Variants in AGBL1 observed in about 807,000 individuals in gnomAD.
AGBL1 encodes the protein cytosolic carboxypeptidase 4.
Under a neutral mutation model 118.9 loss-of-function variants are expected in AGBL1, and 130 were observed. The observed-to-expected ratio is 1.09, with a 90% CI of 0.95 to 1.26. AGBL1 has a LOEUF of 1.26. Among genes scored for constraint, AGBL1 ranks in the 50% most tolerant of loss-of-function variants. The pLI is 0.00. For missense variants in AGBL1, 1,584 were observed against 1,298.1 expected, an observed-to-expected ratio of 1.22 and a Z score of -3.38; for synonymous variants, 555 against 478.9, an observed-to-expected ratio of 1.16 and a Z score of -2.08.
chr15:86,268,598 A>T (rs1344575120), intron 13 of AGBL1, among the ~76,000 whole-genome samples: 1 of 152,172 alleles, frequency 6.6e-6, no homozygotes, highest in East Asian at 1.9e-4. Context: ...AAACCTACTT[A>T]TGGGTAAGGA....
At chr15:86,839,461 A>C (rs973729277) in intron 22 of AGBL1, among the ~76,000 whole-genome samples, 1 of 152,316 alleles carries the variant, frequency 6.6e-6, no homozygotes, top group Admixed American at 6.5e-5. Flanking sequence ...AGTTTGATTC[A>C]CAAAGCTCTG....
chr15:86,368,041 A>G (rs1700921529), intron 17 of AGBL1, among the ~76,000 whole-genome samples: 1 of 152,140 alleles, frequency 6.6e-6, no homozygotes. Flanking sequence ...CCCTCCCACA[A>G]AGAAAAGTAC....
At chr15:86,732,559 G>A (rs2077539442) in intron 22 of AGBL1, among the ~76,000 whole-genome samples, 1 of 152,198 alleles carries the variant, frequency 6.6e-6, no homozygotes, top group Admixed American at 6.5e-5. Context: ...GAAATGTGGA[G>A]ATTAAGAAAG....
chr15:86,555,971 G>A (rs1038720214), intron 21 of AGBL1, among the ~76,000 whole-genome samples: 1 of 152,096 alleles, frequency 6.6e-6, no homozygotes, highest in Non-Finnish European at 1.5e-5. Context: ...GTCTCTCTCT[G>A]TACATGTGTC....
chr15:86,687,503 C>G (rs915929236), intron 22 of AGBL1, among the ~76,000 whole-genome samples: 1 of 152,058 alleles, frequency 6.6e-6, no homozygotes, highest in Non-Finnish European at 1.5e-5. Flanking sequence ...TAACCTGAAA[C>G]CTTGGAGAAT....
Position 86,968,921 on chromosome 15 carries a change from G to A in AGBL1, c.3222-19066G>A, listed in dbSNP as rs554555243. On this transcript the variant is annotated intron_variant, in intron 23 of 24. Transcript: ENST00000441037. ...TCCCACAGGCCTTCTTTATAAAGGC[G>A]CTAATTCTATTCATGAGGCAGATCC... Among the ~76,000 whole-genome samples, 15 of 151,850 alleles carry A rather than the reference G, an allele frequency of 9.9e-5. No individual in the cohort carries two copies. The East Asian group carries it at 1.8e-3, about 18-fold the overall frequency.
At chr15:86,745,896 C>T (rs909376715) in intron 22 of AGBL1, among the ~76,000 whole-genome samples, 1 of 152,110 alleles carries the variant, frequency 6.6e-6, no homozygotes, top group Non-Finnish European at 1.5e-5. Context: ...CAGAAACTCA[C>T]AGCCCAACAC....
chr15:86,500,726 T>A (rs2082908443), intron 18 of AGBL1, among the ~76,000 whole-genome samples: 1 of 151,822 alleles, frequency 6.6e-6, no homozygotes, highest in African/African-American at 2.4e-5. Context: ...ATTCTGGGTG[T>A]TTCATATAAA....
chr15:86,172,871 G>A (rs1049503219), intron 5 of AGBL1, among the ~76,000 whole-genome samples: 14 of 152,118 alleles, frequency 9.2e-5, no homozygotes, highest in Middle Eastern at 3.4e-3. Context: ...ATTCAATAGC[G>A]TGATTACTGG....
chr15:86,249,640 C>T (rs60889816), intron 7 of AGBL1, among the ~76,000 whole-genome samples: 4,660 of 152,160 alleles, frequency 0.031, 233 homozygotes, highest in African/African-American at 0.11. Flanking sequence ...TGTGCAATGC[C>T]CTCCTGCATT....
intron 17 of AGBL1, among the ~76,000 whole-genome samples, chr15:86,298,315 A>ATATATATATAT (rs1192494289): frequency 1.0e-5 from 1 of 95,868 alleles, no homozygotes; most frequent in Non-Finnish European, 2.3e-5. Context: ...ATATATATAT[A>ATATATATATAT]GGTAACTATA....
intron 1 of AGBL1, among the ~76,000 whole-genome samples, chr15:86,137,866 T>G (rs1041822804): frequency 1.3e-5 from 2 of 152,170 alleles, no homozygotes; most frequent in African/African-American, 4.8e-5. Context: ...GTGCAGCATA[T>G]GATGTTGGCC....
At chr15:86,674,512 G>A (rs1303072419) in intron 22 of AGBL1, 76 bp downstream of exon 22, 14 of 1,457,080 alleles carry the variant, frequency 9.6e-6, no homozygotes, top group East Asian at 9.3e-5. Flanking sequence ...AATGAAAGTC[G>A]AGTGGACCTA....
chr15:86,836,483 C>A (rs1442044926), intron 22 of AGBL1, among the ~76,000 whole-genome samples: 3 of 152,152 alleles, frequency 2.0e-5, no homozygotes, highest in African/African-American at 7.2e-5. Context: ...GCAATAGTAT[C>A]CTAACTTACC....
chr15:86,805,200 T>C (rs765560900), intron 22 of AGBL1, among the ~76,000 whole-genome samples: 1 of 152,172 alleles, frequency 6.6e-6, no homozygotes, highest in Admixed American at 6.5e-5. Flanking sequence ...TTTCTTTTTT[T>C]TTTTCCTATT....
intron 22 of AGBL1, among the ~76,000 whole-genome samples, chr15:86,839,027 C>G (rs1596538147): frequency 2.0e-5 from 3 of 147,598 alleles, no homozygotes; most frequent in African/African-American, 7.4e-5. Context: ...AGCACGTTCT[C>G]TTCTTCCAGG....
At chr15:86,475,564 C>T (rs189183504) in intron 18 of AGBL1, among the ~76,000 whole-genome samples, 17 of 152,188 alleles carry the variant, frequency 1.1e-4, no homozygotes, top group African/African-American at 2.9e-4. Flanking sequence ...CCAAGAAATA[C>T]GAGACTATGT....
chr15:86,718,794 A>G (rs544523219), intron 22 of AGBL1, among the ~76,000 whole-genome samples: 2 of 152,334 alleles, frequency 1.3e-5, no homozygotes, highest in Admixed American at 6.5e-5. Flanking sequence ...GTATTTCATA[A>G]GTCTGTTTTC....
At chr15:86,467,630 G>A (rs892170293) in intron 18 of AGBL1, among the ~76,000 whole-genome samples, 1 of 152,240 alleles carries the variant, frequency 6.6e-6, no homozygotes, top group Non-Finnish European at 1.5e-5. Flanking sequence ...CTCCTGGTCT[G>A]AGGGTTGCGA....
Sources: allele counts gnomAD v4.1 joint callset (sites outside exome capture counted in the v4.1 genomes callset), GRCh38; gene constraint gnomAD v4.1.1; transcripts MANE v1.5; gene names NCBI Gene and HGNC (gene_info 2026-07-23, HGNC 2026-07-21).